The following TRHDE variants were observed in gnomAD, a reference collection of about 807,000 sequenced individuals.
TRHDE encodes the protein thyrotropin-releasing hormone-degrading ectoenzyme.
TRHDE carries 72 observed loss-of-function variants against 125.7 expected under a neutral mutation model. That is an observed-to-expected ratio of 0.57 (90% confidence interval 0.47 to 0.70). The LOEUF (loss-of-function observed/expected upper bound fraction) is 0.70. Ranked by LOEUF, TRHDE falls within the 30% of genes least tolerant of loss-of-function variation. TRHDE has a pLI of 0.00. For missense variants in TRHDE, 1,110 were observed against 1,327.1 expected (o/e 0.84, Z 2.54); for synonymous variants, 509 against 509.1 (o/e 1.00, Z 0.00).
rs544413957 is a variant in TRHDE, at chr12:72,666,960, T to G, written c.*3765T>G. The stretch of plus-strand genomic sequence containing the variant: ...AATTTGCTTAATTTTCAACACAAAT[T>G]TATCTGACAAATTCTGTCTATAGTA... On this transcript the variant is annotated 3_prime_UTR_variant, in exon 19 of 19. Transcript: ENST00000261180. The G allele has an allele frequency of 1.3e-5, 2 of 152,160 alleles. No homozygotes were observed. Among genetic ancestry groups the G allele is most frequent in the South Asian group, 4.1e-4 (2 of 4,826 alleles). The allele number at this position is 152,160 out of a possible 1,614,324, so 9.4% of individuals were successfully genotyped here.
At chr12:72,627,506 A>G (rs1433925731) in intron 15 of TRHDE, among the ~76,000 whole-genome samples, 1 of 151,852 alleles carries the variant, frequency 6.6e-6, no homozygotes, top group African/African-American at 2.4e-5. Context: ...ATTCACAGTT[A>G]TCATCAAAAT....
intron 12 of TRHDE, among the ~76,000 whole-genome samples, chr12:72,593,918 A>T (rs1433109845): frequency 1.3e-5 from 2 of 152,090 alleles, no homozygotes; most frequent in African/African-American, 4.8e-5. Context: ...TCTATCATTG[A>T]TGGACATTTG....
intron 2 of TRHDE, among the ~76,000 whole-genome samples, chr12:72,291,926 T>G (rs1880103721): frequency 6.6e-6 from 1 of 152,216 alleles, no homozygotes; most frequent in African/African-American, 2.4e-5. Flanking sequence ...ACTAAAATGT[T>G]GGGGCTACAA....
At chr12:72,448,437 A>T (rs1875407670) in intron 3 of TRHDE, among the ~76,000 whole-genome samples, 1 of 152,076 alleles carries the variant, frequency 6.6e-6, no homozygotes, top group South Asian at 2.1e-4. Context: ...CTATGTAACA[A>T]TTGTTTGATA....
chr12:72,244,284 C>A (rs1328571091), intron 2 of TRHDE, among the ~76,000 whole-genome samples: 3 of 152,140 alleles, frequency 2.0e-5, no homozygotes, highest in Admixed American at 1.3e-4. Context: ...ACCTGAAGCA[C>A]ACATAGGAGC....
rs1401299726 is a variant in TRHDE, at chr12:72,114,390, A to G, written n.279+8638A>G. ...TCAGGAAGCCTTACCAATAACAATC[A>G]GTTGATCAACATATATTTTCTATGT... On this transcript the variant is annotated intron_variant and non_coding_transcript_variant, in intron 2 of 4. Coordinates refer to the TRHDE transcript ENST00000548156. 2.6e-5 allele frequency among the ~76,000 whole-genome samples: 4 copies of G among 152,296 alleles called. No individual in the cohort carries two copies. The East Asian group carries it at 5.8e-4, about 22-fold the overall frequency.
At chr12:72,189,698 G>A (rs987052065) in intron 2 of TRHDE, among the ~76,000 whole-genome samples, 1 of 152,172 alleles carries the variant, frequency 6.6e-6, no homozygotes, top group Admixed American at 6.5e-5. Flanking sequence ...AATGCTTAGG[G>A]GGTCGCTTTG....
chr12:72,622,391 A>G (rs1873089904), intron 15 of TRHDE, among the ~76,000 whole-genome samples: 1 of 152,098 alleles, frequency 6.6e-6, no homozygotes, highest in African/African-American at 2.4e-5. Context: ...GATTATTGGT[A>G]TTATGCCTAC....
At chr12:72,327,207 A>C (rs1869380771) in intron 2 of TRHDE, among the ~76,000 whole-genome samples, 1 of 152,200 alleles carries the variant, frequency 6.6e-6, no homozygotes, top group Middle Eastern at 3.4e-3. Context: ...GGAGACACTG[A>C]GCAGGAACTC....
intron 2 of TRHDE, among the ~76,000 whole-genome samples, chr12:72,119,784 A>G (rs372067169): frequency 2.0e-5 from 3 of 152,294 alleles, no homozygotes; most frequent in South Asian, 4.1e-4. Flanking sequence ...TCATTATATA[A>G]TAAGCTTGTC....
intron 3 of TRHDE, among the ~76,000 whole-genome samples, chr12:72,430,306 T>C (rs933050162): frequency 9.7e-5 from 14 of 144,700 alleles, no homozygotes; most frequent in South Asian, 2.1e-4. Context: ...TATGTATATA[T>C]ATGTATATAT....
chr12:72,446,920 G>A (rs1438891533), intron 3 of TRHDE, among the ~76,000 whole-genome samples: 2 of 152,054 alleles, frequency 1.3e-5, no homozygotes, highest in African/African-American at 4.8e-5. Context: ...AATAATGGAA[G>A]ACTTTAACAC....
In TRHDE at chr12:72,503,636, G is replaced by T. The variant is rs1592495035; in HGVS notation, c.1722+4001G>T. The stretch of plus-strand genomic sequence containing the variant: ...ATATGTAGTATTAACTTTCAGAATA[G>T]TTGAATTACGTATTTACAGTATCAT... On this transcript the variant is annotated intron_variant, in intron 6 of 18. Coordinates refer to ENST00000261180, the MANE Select transcript of TRHDE (RefSeq NM_013381.3). Among the ~76,000 whole-genome samples the T allele has an allele frequency of 2.0e-5, 3 of 152,282 alleles. No individual in the cohort carries two copies. The South Asian group carries it at 6.2e-4, about 32-fold the overall frequency.
intron 12 of TRHDE, among the ~76,000 whole-genome samples, chr12:72,614,044 G>A (rs981974561): frequency 2.0e-5 from 3 of 151,834 alleles, no homozygotes; most frequent in African/African-American, 7.3e-5. Flanking sequence ...GTGAGTCAGG[G>A]GGAGGTGTCA....
chr12:72,286,453 A>G (rs1194364784), intron 1 of TRHDE, among the ~76,000 whole-genome samples: 3 of 152,202 alleles, frequency 2.0e-5, no homozygotes, highest in Non-Finnish European at 4.4e-5. Context: ...TCTGGGTTTA[A>G]CGAATTTATT....
intron 17 of TRHDE, among the ~76,000 whole-genome samples, chr12:72,656,483 T>C (rs1251333831): frequency 6.6e-6 from 1 of 152,186 alleles, no homozygotes; most frequent in Non-Finnish European, 1.5e-5. Flanking sequence ...GTGTCAATTA[T>C]GACTAATCAT....
At chr12:72,229,413 A>C (rs1401511401) in intron 2 of TRHDE, among the ~76,000 whole-genome samples, 1 of 152,158 alleles carries the variant, frequency 6.6e-6, no homozygotes, top group East Asian at 1.9e-4. Flanking sequence ...CCATGATTCA[A>C]TTACCTCCTA....
chr12:72,326,765 G>A lies in TRHDE; in HGVS notation c.1188+39811G>A, dbSNP rs780006298. 4.6e-5 allele frequency among the ~76,000 whole-genome samples: 7 copies of A among 152,004 alleles called. No homozygotes were observed. The South Asian group carries it at 6.2e-4, about 14-fold the overall frequency. ...AATAAAGTATTTTAACACGAAAAACGTAGGAAGTCCACTTTCAGAATAACA... is the reference window on the plus strand; with the variant it reads ...AATAAAGTATTTTAACACGAAAAACATAGGAAGTCCACTTTCAGAATAACA... On this transcript the variant is annotated intron_variant, in intron 2 of 18. Transcript: ENST00000261180.
chr12:72,288,271 G>A (rs1879965259), intron 2 of TRHDE, among the ~76,000 whole-genome samples: 1 of 152,008 alleles, frequency 6.6e-6, no homozygotes, highest in East Asian at 1.9e-4. Flanking sequence ...CCTAAATTTT[G>A]AAAAATAGTT....
Sources: gnomAD v4.1 joint callset for allele counts (sites outside exome capture counted in the v4.1 genomes callset) on GRCh38, gnomAD v4.1.1 for gene constraint, MANE v1.5 for transcripts, NCBI Gene and HGNC (gene_info 2026-07-23, HGNC 2026-07-21) for gene names.